Variants in KCNAB2 observed in about 807,000 individuals in gnomAD.
KCNAB2 encodes the protein potassium voltage-gated channel subfamily A regulatory beta subunit 2.
KCNAB2 carries 29 observed loss-of-function variants against 63.6 expected under a neutral mutation model. The observed-to-expected ratio is 0.46, with a 90% confidence interval of 0.34 to 0.62. KCNAB2 has a LOEUF of 0.62. Among genes scored for constraint, KCNAB2 ranks in the 20% least tolerant of loss-of-function variants. KCNAB2 has a pLI of 0.01. For synonymous variants in KCNAB2, 222 were observed against 224.2 expected, an observed-to-expected ratio of 0.99 and a Z score of 0.09; for missense variants, 359 against 563.9, an observed-to-expected ratio of 0.64 and a Z score of 3.68.
chr1:6,099,234 C>A lies in KCNAB2; in HGVS notation c.*660C>A, dbSNP rs1171373139. 6.5e-6 allele frequency: 1 copy of A among 153,138 alleles called. No individual in the cohort carries two copies. Among genetic ancestry groups the A allele is most frequent in the African/African-American group, 2.4e-5 (1 of 41,464 alleles). 9.5% of individuals were successfully genotyped at this position (153,138 alleles called of 1,614,324 possible). On this transcript the variant is annotated 3_prime_UTR_variant, in exon 16 of 16. Transcript: ENST00000378083. ...TACCAAGCTCGAGCTGGCCCTTGAC[C>A]CCCACCCACCCCCACCCTTGCTGGC... is the stretch of plus-strand genomic sequence containing the variant.
At position 6,096,558 on chromosome 1, in the gene KCNAB2, C is replaced by T; in HGVS notation, c.949-78C>T. On this transcript the variant is annotated intron_variant, in intron 13 of 15. Coordinates refer to ENST00000378083, the MANE Select transcript of KCNAB2 (RefSeq NM_001199862.2). This position sits in a 1 kb window ranked among gnomAD's most constrained non-coding sequence, Gnocchi z 5.9. ...GGAGAAGGGTCCAGAAGGAATGAGC[C>T]CATCGGCCCCCTGCACGTGGGGGTC... The T allele has an allele frequency of 6.6e-7, 1 of 1,510,074 alleles. No homozygotes were observed. Among genetic ancestry groups the T allele is most frequent in the Non-Finnish European group, 8.9e-7 (1 of 1,121,476 alleles). 93.5% of individuals were successfully genotyped at this position (1,510,074 alleles called of 1,614,324 possible). A position where few individuals can be genotyped will look rare whatever the true frequency, so the allele number is the denominator to read the frequency against.
upstream of KCNAB2, among the ~76,000 whole-genome samples, chr1:6,045,658 C>T (rs1451069645): frequency 6.6e-6 from 1 of 152,184 alleles, no homozygotes; most frequent in African/African-American, 2.4e-5. The surrounding 1 kb of genome is among the most constrained non-coding windows in gnomAD (Gnocchi z 4.8). Flanking sequence ...TACGACGGGG[C>T]CCCCAGCTCC....
At chr1:6,037,924 G>T (rs1245897444) in intron 1 of KCNAB2, among the ~76,000 whole-genome samples, 2 of 147,510 alleles carry the variant, frequency 1.4e-5, no homozygotes, top group Non-Finnish European at 3.0e-5. Flanking sequence ...ACCCAGGCTG[G>T]AGTGCAGTGG....
chr1:6,042,287 T>G (rs1368456826), upstream of KCNAB2, among the ~76,000 whole-genome samples: 1 of 152,206 alleles, frequency 6.6e-6, no homozygotes, highest in Non-Finnish European at 1.5e-5. Flanking sequence ...GGGTTTGACC[T>G]GATCTGGAAC....
In KCNAB2 at chr1:6,008,198, G is replaced by A. The variant is rs140762018; in HGVS notation, c.-53+15410G>A. Among the ~76,000 whole-genome samples, 1,064 of 152,300 alleles carry A rather than the reference G, an allele frequency of 7.0e-3. 12 individuals carry two copies. The highest frequency in any genetic ancestry group is 0.024 in the African/African-American group (982 of 41,568). Reference sequence around the variant, plus strand: ...ACGAGGCAGATGGTGAGCCAAGTCCGGTTCCGCTGCGCTGGGTCCCCCATG... The same window carrying A: ...ACGAGGCAGATGGTGAGCCAAGTCCAGTTCCGCTGCGCTGGGTCCCCCATG... On this transcript the variant is annotated intron_variant, in intron 1 of 16. Coordinates refer to the KCNAB2 transcript ENST00000341524.
intron 1 of KCNAB2, among the ~76,000 whole-genome samples, chr1:6,002,795 C>G (rs932676714): frequency 2.0e-5 from 3 of 152,142 alleles, no homozygotes; most frequent in Middle Eastern, 3.2e-3. Flanking sequence ...CGGCTGCCCC[C>G]CTGCAGGAAG....
At chr1:6,013,689 G>A (rs1367695133) in intron 1 of KCNAB2, among the ~76,000 whole-genome samples, 1 of 152,034 alleles carries the variant, frequency 6.6e-6, no homozygotes, top group African/African-American at 2.4e-5. Context: ...AAGACCCTGC[G>A]GTCTCAGCCT....
chr1:6,040,816 G>A (rs977260041), intron 2 of KCNAB2, among the ~76,000 whole-genome samples: 16 of 152,248 alleles, frequency 1.1e-4, no homozygotes, highest in African/African-American at 3.9e-4. Flanking sequence ...TTTTCTCCAA[G>A]AAAGGAGCAG....
intron 1 of KCNAB2, among the ~76,000 whole-genome samples, chr1:5,995,181 T>G (rs910000488): frequency 2.0e-5 from 3 of 152,132 alleles, no homozygotes; most frequent in African/African-American, 7.2e-5. Flanking sequence ...CGAGAAGGAT[T>G]GATGCCAGAG....
At chr1:6,085,302 C>A in intron 6 of KCNAB2, 54 bp downstream of exon 6, 2 of 1,540,846 alleles carry the variant, frequency 1.3e-6, no homozygotes, top group Non-Finnish European at 1.8e-6. Flanking sequence ...GGCGAACTAT[C>A]CCAGGGTCAG....
At chr1:6,012,812 G>C (rs1432322997) in intron 1 of KCNAB2, among the ~76,000 whole-genome samples, 1 of 151,958 alleles carries the variant, frequency 6.6e-6, no homozygotes, top group East Asian at 1.9e-4. Context: ...AGAGGTGGAG[G>C]TGACAGCAGT....
Position 6,019,995 on chromosome 1 carries a change from G to A in KCNAB2, c.-52-20522G>A, listed in dbSNP as rs72861033. On this transcript the variant is annotated intron_variant, in intron 1 of 16. Coordinates refer to the KCNAB2 transcript ENST00000341524. Reference sequence around the variant, plus strand: ...TGCAAAGGACCATGTTGTCATTTCAGTTGTCCCCAGTGGGATGATCTGCCT... The same window carrying A: ...TGCAAAGGACCATGTTGTCATTTCAATTGTCCCCAGTGGGATGATCTGCCT... 8.0e-3 allele frequency among the ~76,000 whole-genome samples: 1,219 copies of A among 152,302 alleles called. 14 individuals are homozygous for A. The highest frequency in any genetic ancestry group is 0.027 in the African/African-American group (1,130 of 41,568).
Position 6,086,973 on chromosome 1 carries a change from A to G in KCNAB2, c.426-494A>G, listed in dbSNP as rs183954707. Among the ~76,000 whole-genome samples, 1 of 152,138 alleles carries G rather than the reference A, an allele frequency of 6.6e-6. No individual in the cohort carries two copies. The highest frequency in any genetic ancestry group is 1.9e-4 in the East Asian group (1 of 5,172). On this transcript the variant is annotated intron_variant, in intron 6 of 15. Transcript: ENST00000378083. The surrounding 1 kb of genome is among the most constrained non-coding windows in gnomAD (Gnocchi z 4.2). ...CAACACGTGTCACATTCTGTAGGGA[A>G]CGTTGCAGAGAGCTTCCCTGCCTGC... is the stretch of plus-strand genomic sequence containing the variant.
upstream of KCNAB2, chr1:5,992,681 T>A (rs965148121): frequency 6.6e-6 from 1 of 152,270 alleles, no homozygotes; most frequent in Non-Finnish European, 1.5e-5. Flanking sequence ...AAGATGCTGC[T>A]GGCGGAACCT....
chr1:6,021,006 T>TA (rs1235782794), intron 1 of KCNAB2, among the ~76,000 whole-genome samples: 1 of 152,152 alleles, frequency 6.6e-6, no homozygotes, highest in Admixed American at 6.5e-5. Flanking sequence ...TTCATATATA[T>TA]TTTTTGAGAC....
chr1:6,097,175 T>G (rs919605538), intron 14 of KCNAB2, 94 bp from the exon 15 acceptor site: 7 of 1,363,788 alleles, frequency 5.1e-6, no homozygotes, highest in Non-Finnish European at 6.9e-6. Flanking sequence ...CAGACCAAGA[T>G]GCTGGGTCTC....
intron 2 of KCNAB2, among the ~76,000 whole-genome samples, chr1:6,053,113 T>C (rs1661527063): frequency 6.6e-6 from 1 of 152,098 alleles, no homozygotes; most frequent in Non-Finnish European, 1.5e-5. Flanking sequence ...TAGATGGCAG[T>C]GTTTTTCAGG....
Position 6,100,799 on chromosome 1 carries a change from T to TC in KCNAB2, c.*2231dup, listed in dbSNP as rs1189569812. 6.6e-6 allele frequency: 1 copy of TC among 151,928 alleles called. No homozygotes were observed. Among genetic ancestry groups the TC allele is most frequent in the Non-Finnish European group, 1.5e-5 (1 of 67,986 alleles). 9.4% of individuals were successfully genotyped at this position (151,928 alleles called of 1,614,324 possible). A position where few individuals can be genotyped will look rare whatever the true frequency, so the allele number is the denominator to read the frequency against. ...GGGGGCTCTGCCTCCTAGGGCCAGG[T>TC]CCCCCCTCTCGGGAGGAGGTATTGG... is the stretch of plus-strand genomic sequence containing the variant. On this transcript the variant is annotated 3_prime_UTR_variant, in exon 16 of 16. Transcript: ENST00000378083.
rs1028505852 is a variant in KCNAB2, at chr1:6,098,804, T to C, written c.*230T>C. The C allele has an allele frequency of 2.0e-6, 1 of 511,462 alleles. No individual in the cohort carries two copies. Among genetic ancestry groups the C allele is most frequent in the Non-Finnish European group, 3.4e-6 (1 of 290,250 alleles). 31.7% of individuals were successfully genotyped at this position (511,462 alleles called of 1,614,324 possible). A position where few individuals can be genotyped will look rare whatever the true frequency, so the allele number is the denominator to read the frequency against. On this transcript the variant is annotated 3_prime_UTR_variant, in exon 16 of 16. Coordinates refer to ENST00000378083, the MANE Select transcript of KCNAB2 (RefSeq NM_001199862.2). ...CGGGGAAGGCACTGGTTAGGAAGGA[T>C]GTTCAAACGGTCCCACCCAAGCCTG...
Sources: gnomAD v4.1 joint callset for allele counts (sites outside exome capture counted in the v4.1 genomes callset) on GRCh38, gnomAD v4.1.1 for gene constraint, Gnocchi (gnomAD v3.1) non-coding constraint, MANE v1.5 for transcripts, NCBI Gene and HGNC (gene_info 2026-07-23, HGNC 2026-07-21) for gene names.